Variants in SYNJ2 observed in about 807,000 individuals in gnomAD.
SYNJ2 encodes the protein polyphosphatidylinositol phosphatase SYNJ2.
Under a neutral mutation model 141.3 loss-of-function variants are expected in SYNJ2, and 116 were observed. The ratio of observed to expected loss-of-function variants is 0.82; its 90% CI spans 0.71 to 0.96. The LOEUF is 0.96. SYNJ2 is among the 40% of genes least tolerant of loss of function. SYNJ2 has a pLI of 0.00. For missense variants in SYNJ2, 1,873 were observed against 1,934.8 expected (o/e 0.97, Z 0.60); for synonymous variants, 745 against 777.7 (o/e 0.96, Z 0.70).
At chr6:158,063,305 GA>G (rs978765811) in intron 8 of SYNJ2, among the ~76,000 whole-genome samples, 4 of 152,148 alleles carry the variant, frequency 2.6e-5, no homozygotes, top group African/African-American at 9.7e-5. Flanking sequence ...TGCCTTTCCA[GA>G]AGTGCTGGGG....
chr6:158,004,659 C>T (rs1777984475), intron 1 of SYNJ2, among the ~76,000 whole-genome samples: 1 of 152,158 alleles, frequency 6.6e-6, no homozygotes, highest in Admixed American at 6.5e-5. Flanking sequence ...TTCTTTTATT[C>T]CTTTACTTTC....
At chr6:158,016,786 T>C (rs1583321248) in intron 1 of SYNJ2, among the ~76,000 whole-genome samples, 1 of 152,322 alleles carries the variant, frequency 6.6e-6, no homozygotes, top group South Asian at 2.1e-4. Context: ...CAGGCACCTC[T>C]GCCCAGTCTC....
intron 13 of SYNJ2, among the ~76,000 whole-genome samples, chr6:158,068,977 G>A (rs1040883082): frequency 2.6e-5 from 4 of 152,138 alleles, no homozygotes; most frequent in Non-Finnish European, 2.9e-5. Flanking sequence ...CAGTGCTCTG[G>A]CCTCGGCCAC....
chr6:158,090,036 CTT>C, intron 25 of SYNJ2, 89 bp downstream of exon 25: 1 of 842,188 alleles, frequency 1.2e-6, no homozygotes, highest in South Asian at 1.5e-5. Context: ...GAAAATAACT[CTT>C]TTTATTCTTC....
In SYNJ2 at chr6:158,076,623, T is replaced by A. The variant is rs186036801; in HGVS notation, c.2293-3T>A. 1.2e-6 allele frequency: 2 copies of A among 1,610,802 alleles called. No homozygotes were observed. Among genetic ancestry groups the A allele is most frequent in the East Asian group, 4.5e-5 (2 of 44,804 alleles). ...GCCTGATGACTTCTTTTTCTCCCAA[T>A]AGATTTTTAAGGACTTTCACGAAGG... is the stretch of plus-strand genomic sequence containing the variant. On this transcript the variant is annotated splice_region_variant and splice_polypyrimidine_tract_variant and intron_variant, in intron 16 of 26. Coordinates refer to ENST00000355585, the MANE Select transcript of SYNJ2 (RefSeq NM_003898.4).
intron 8 of SYNJ2, among the ~76,000 whole-genome samples, chr6:158,062,625 A>G (rs1489281883): frequency 6.6e-6 from 1 of 152,100 alleles, no homozygotes; most frequent in African/African-American, 2.4e-5. Context: ...AGCAGAGGAG[A>G]AAAACGAAGT....
intron 1 of SYNJ2, among the ~76,000 whole-genome samples, chr6:157,985,949 T>C (rs1467690790): frequency 1.3e-5 from 2 of 152,214 alleles, no homozygotes; most frequent in African/African-American, 4.8e-5. Flanking sequence ...CCAGCTGCTG[T>C]TGTGCGAGGC....
intron 21 of SYNJ2, 72 bp from the exon 22 acceptor site, chr6:158,083,929 C>A: frequency 3.9e-6 from 6 of 1,548,490 alleles, no homozygotes; most frequent in Non-Finnish European, 5.4e-6. Flanking sequence ...CTGAACCAGT[C>A]CCACTGATGG....
chr6:158,068,030 CA>C, intron 12 of SYNJ2: 1 of 970,984 alleles, frequency 1.0e-6, no homozygotes, highest in Non-Finnish European at 1.2e-6. Context: ...TAGACACTAG[CA>C]GGCTCCCCAG....
intron 1 of SYNJ2, 106 bp from the exon 2 acceptor site, chr6:158,017,098 T>C: frequency 6.8e-7 from 1 of 1,467,582 alleles, no homozygotes; most frequent in Non-Finnish European, 9.0e-7. Context: ...TCTTTGTGTT[T>C]TCTTTTTGGA....
At chr6:158,076,575 A>G (rs970132012) in intron 16 of SYNJ2, 51 bp from the exon 17 acceptor site, 3 of 1,577,150 alleles carry the variant, frequency 1.9e-6, no homozygotes, top group African/African-American at 1.4e-5. Flanking sequence ...TGTATATAAC[A>G]TTCAGGATCG....
rs749760770 is a variant in SYNJ2, at chr6:158,095,828, G to A, written c.3955G>A (p.Val1319Met). ...AGCCCCTCCTGGGGCAGGAGCCTCT[G>A]TGCCACCACCTCTGGAGGCGCCGCC... is the stretch of plus-strand genomic sequence containing the variant. ...DEAPPGAGAS[V>M]PPPLEAPPLV... The change falls in exon 27 of 27, where the codon GTG (valine) becomes ATG (methionine). Residue 1319 changes from valine (V) to methionine (M), a missense_variant. By Grantham distance (21) the Val-to-Met change is conservative. Coordinates refer to ENST00000355585, the MANE Select transcript of SYNJ2 (RefSeq NM_003898.4). 6.2e-7 allele frequency: 1 copy of A among 1,614,136 alleles called. No individual in the cohort carries two copies. Among genetic ancestry groups the A allele is most frequent in the African/African-American group, 1.3e-5 (1 of 75,038 alleles).
intron 20 of SYNJ2, among the ~76,000 whole-genome samples, chr6:158,082,487 C>CAAAAAA (rs769884420): frequency 2.7e-5 from 2 of 75,314 alleles, no homozygotes; most frequent in Non-Finnish European, 4.8e-5. Context: ...ACTCTGTCTC[C>CAAAAAA]AAAAAAAAAA....
Position 158,028,789 on chromosome 6 carries a change from C to T in SYNJ2, c.248C>T (p.Thr83Ile). The T allele has an allele frequency of 1.2e-6, 2 of 1,614,164 alleles. No individual in the cohort carries two copies. Among genetic ancestry groups the T allele is most frequent in the Non-Finnish European group, 1.7e-6 (2 of 1,180,022 alleles). ...GTSLSFLVLV[T>I]GCTSVGRIPD... Reference sequence around the variant, plus strand: ...TCTCTGAGCTTCCTGGTGTTGGTGACAGGCTGCACATCTGTGGGCAGAATT... The same window carrying T: ...TCTCTGAGCTTCCTGGTGTTGGTGATAGGCTGCACATCTGTGGGCAGAATT... Residue 83 changes from threonine to isoleucine, a missense_variant, in exon 3 of 27, where the codon ACA (threonine) becomes ATA (isoleucine). Transcript: ENST00000355585.
At chr6:158,082,059 G>GC (rs1339675849) in intron 20 of SYNJ2, among the ~76,000 whole-genome samples, 13 of 152,240 alleles carry the variant, frequency 8.5e-5, no homozygotes, top group African/African-American at 3.1e-4. Context: ...GCAAAATAGG[G>GC]CGGAAGGGTG....
At chr6:158,079,895 G>A (rs1303564852) in intron 18 of SYNJ2, among the ~76,000 whole-genome samples, 1 of 152,106 alleles carries the variant, frequency 6.6e-6, no homozygotes, top group Non-Finnish European at 1.5e-5. Flanking sequence ...GAATTTTCTG[G>A]ACAGGACAAA....
intron 11 of SYNJ2, among the ~76,000 whole-genome samples, chr6:158,065,665 C>A (rs373700972): frequency 6.6e-6 from 1 of 152,208 alleles, no homozygotes; most frequent in Admixed American, 6.5e-5. Flanking sequence ...CTAGCCCATG[C>A]TTAAAATGGG....
chr6:158,004,470 G>T (rs974894045), intron 1 of SYNJ2, among the ~76,000 whole-genome samples: 3 of 152,158 alleles, frequency 2.0e-5, no homozygotes, highest in Non-Finnish European at 4.4e-5. Context: ...AAATGCCATG[G>T]CAAAATCAGG....
rs1351186112 is a variant in SYNJ2 at position 158,084,104 on chromosome 6, C to A, written c.3138C>A (p.Gly1046=). Residue 1046 remains glycine, a synonymous_variant, in exon 22 of 27, where the codon GGC becomes GGA. Transcript: ENST00000355585. This position sits in a 1 kb window ranked among gnomAD's most constrained non-coding sequence, Gnocchi z 5.0. The part of the protein sequence containing the change: ...LGGDDLSDVP[G]PTALAPPSKS... ...GAGACGACCTCTCTGATGTCCCCGG[C>A]CCCACAGCACTGGCTCCTCCCAGCA... 1 of 1,614,214 alleles carries A rather than the reference C, an allele frequency of 6.2e-7. No individual in the cohort carries two copies. Among genetic ancestry groups the A allele is most frequent in the Admixed American group, 1.7e-5 (1 of 60,034 alleles).
Sources: gnomAD v4.1 joint callset for allele counts (sites outside exome capture counted in the v4.1 genomes callset) on GRCh38, gnomAD v4.1.1 for gene constraint, Gnocchi (gnomAD v3.1) non-coding constraint, MANE v1.5 for transcripts, NCBI Gene and HGNC (gene_info 2026-07-23, HGNC 2026-07-21) for gene names.